Variants in MARK3 observed in about 807,000 individuals in gnomAD.
MARK3 encodes MAP/microtubule affinity-regulating kinase 3.
Under a neutral mutation model 90.1 loss-of-function variants are expected in MARK3, and 46 were observed. That is an observed-to-expected ratio of 0.51 (90% CI 0.40 to 0.65). The LOEUF (loss-of-function observed/expected upper bound fraction) is 0.65. Among genes scored for constraint, MARK3 ranks in the 30% least tolerant of loss-of-function variants. The pLI, the probability that MARK3 is intolerant of heterozygous loss-of-function variation, is 0.00. For synonymous variants in MARK3, 321 were observed against 332.6 expected (o/e 0.97, Z 0.38); for missense variants, 818 against 947.2 (o/e 0.86, Z 1.79).
chr14:103,388,367 A>ACAGTGTG (rs2089973885), intron 1 of MARK3, among the ~76,000 whole-genome samples: 5 of 152,326 alleles, frequency 3.3e-5, no homozygotes, highest in African/African-American at 1.2e-4. Context: ...TGTAGCTTTC[A>ACAGTGTG]CAGTGTGGAG....
intron 2 of MARK3, among the ~76,000 whole-genome samples, chr14:103,427,374 C>G (rs1004798832): frequency 2.0e-5 from 3 of 150,532 alleles, no homozygotes; most frequent in African/African-American, 7.3e-5. Flanking sequence ...TGGTGCGCAC[C>G]TGTAATCCCA....
intron 2 of MARK3, among the ~76,000 whole-genome samples, chr14:103,408,273 C>T (rs2091433607): frequency 6.6e-6 from 1 of 152,104 alleles, no homozygotes; most frequent in Admixed American, 6.5e-5. Context: ...TGCAACCTCC[C>T]GCCTCCTGGG....
intron 3 of MARK3, among the ~76,000 whole-genome samples, chr14:103,442,063 T>C (rs2092870633): frequency 6.6e-6 from 1 of 151,998 alleles, no homozygotes; most frequent in African/African-American, 2.4e-5. Context: ...AAAAGGTACA[T>C]ATCTTAATAT....
intron 2 of MARK3, chr14:103,412,852 C>A: frequency 3.1e-6 from 1 of 322,568 alleles, no homozygotes; most frequent in African/African-American, 2.2e-5. Context: ...TTTAATGATG[C>A]CAAGTCTTTC....
intron 12 of MARK3, among the ~76,000 whole-genome samples, chr14:103,470,735 G>A (rs1595838352): frequency 6.6e-6 from 1 of 152,140 alleles, no homozygotes; most frequent in African/African-American, 2.4e-5. Context: ...CGGATTACAG[G>A]CATGAGTCAC....
Position 103,500,144 on chromosome 14 carries a change from C to A in MARK3, c.1872-12C>A. 6.2e-7 allele frequency: 1 copy of A among 1,608,008 alleles called. No homozygotes were observed. The highest frequency in any genetic ancestry group is 8.5e-7 in the Non-Finnish European group (1 of 1,175,392). On this transcript the variant is annotated splice_polypyrimidine_tract_variant and intron_variant, in intron 16 of 17. Coordinates refer to ENST00000429436, the MANE Select transcript of MARK3 (RefSeq NM_001128918.3). Reference sequence around the variant, plus strand: ...TCCCTCTTCTCTCTGCTTCTACATTCTGTTCATTGAGGCTTCCAACTGAAT... The same window carrying A: ...TCCCTCTTCTCTCTGCTTCTACATTATGTTCATTGAGGCTTCCAACTGAAT...
At chr14:103,485,578 C>T (rs1463310647) in intron 14 of MARK3, among the ~76,000 whole-genome samples, 1 of 152,132 alleles carries the variant, frequency 6.6e-6, no homozygotes, top group East Asian at 1.9e-4. Flanking sequence ...TGTCCTTGGA[C>T]TATATTTTTA....
chr14:103,470,561 T>C (rs2093609451), intron 12 of MARK3, among the ~76,000 whole-genome samples: 1 of 145,944 alleles, frequency 6.9e-6, no homozygotes, highest in East Asian at 2.2e-4. Context: ...GTTCTAGCAA[T>C]TCTCCTGCCT....
At chr14:103,485,306 A>G (rs1435942129) in intron 14 of MARK3, among the ~76,000 whole-genome samples, 1 of 132,776 alleles carries the variant, frequency 7.5e-6, no homozygotes, top group East Asian at 2.2e-4. Flanking sequence ...AGTGTGGCCC[A>G]GGCTGCAGTA....
At chr14:103,491,687 C>A in intron 14 of MARK3, 90 bp from the exon 15 acceptor site, 1 of 1,419,134 alleles carries the variant, frequency 7.0e-7, no homozygotes, top group Non-Finnish European at 9.5e-7. Flanking sequence ...TTTTTATACC[C>A]GATTTTCTCC....
intron 1 of MARK3, among the ~76,000 whole-genome samples, chr14:103,403,260 A>G (rs565868459): frequency 6.6e-6 from 1 of 152,146 alleles, no homozygotes; most frequent in East Asian, 1.9e-4. Context: ...ACCACTTGAT[A>G]CATACCTCAT....
At chr14:103,407,239 G>A (rs1298297825) in intron 2 of MARK3, among the ~76,000 whole-genome samples, 1 of 152,144 alleles carries the variant, frequency 6.6e-6, no homozygotes. Context: ...TTTTTCAGTA[G>A]CAAATGTCTG....
At chr14:103,462,490 GCT>G (rs2093421805) in intron 7 of MARK3, 29 bp downstream of exon 7, 4 of 1,551,806 alleles carry the variant, frequency 2.6e-6, no homozygotes, top group East Asian at 4.6e-5. Flanking sequence ...CTCAGTGTAT[GCT>G]CTGTCTGTTT....
chr14:103,403,042 C>T (rs2091057655), intron 1 of MARK3, among the ~76,000 whole-genome samples: 1 of 151,376 alleles, frequency 6.6e-6, no homozygotes, highest in Admixed American at 6.6e-5. Flanking sequence ...CCCCTGGCCC[C>T]CCACCCCATC....
At chr14:103,466,113 A>C (rs1378638741) in intron 9 of MARK3, 22 bp downstream of exon 9, 1 of 1,611,830 alleles carries the variant, frequency 6.2e-7, no homozygotes, top group Non-Finnish European at 8.5e-7. Flanking sequence ...GGTGGAAACA[A>C]GCAGTAACTT....
Position 103,503,394 on chromosome 14 carries a change from G to T in MARK3, c.*167G>T. On this transcript the variant is annotated 3_prime_UTR_variant, in exon 18 of 18. Coordinates refer to ENST00000429436, the MANE Select transcript of MARK3 (RefSeq NM_001128918.3). ...GAGCGAAAGCTGGCCTTTTTTCTAC[G>T]AATGCACTACATTAAAGATGTGCAA... 1.5e-6 allele frequency: 1 copy of T among 649,400 alleles called. No homozygotes were observed. Among genetic ancestry groups the T allele is most frequent in the Non-Finnish European group, 2.6e-6 (1 of 384,596 alleles). The allele number at this position is 649,400 out of a possible 1,614,324, so 40.2% of individuals were successfully genotyped here. A position where few individuals can be genotyped will look rare whatever the true frequency, so the allele number is the denominator to read the frequency against.
At chr14:103,492,842 A>G (rs2075082749) in intron 15 of MARK3, among the ~76,000 whole-genome samples, 2 of 152,190 alleles carry the variant, frequency 1.3e-5, no homozygotes, top group South Asian at 4.1e-4. Flanking sequence ...TTTGAACCGT[A>G]AACAATAGTG....
At chr14:103,493,748 G>T (rs1389879625) in intron 15 of MARK3, among the ~76,000 whole-genome samples, 1 of 151,632 alleles carries the variant, frequency 6.6e-6, no homozygotes, top group Admixed American at 6.6e-5. Context: ...GGTGGTGGGC[G>T]CCTGGAGTCC....
At chr14:103,483,766 A>G (rs1423345021) in intron 14 of MARK3, among the ~76,000 whole-genome samples, 1 of 152,218 alleles carries the variant, frequency 6.6e-6, no homozygotes, top group African/African-American at 2.4e-5. Context: ...ATTCTCGAAA[A>G]ATGGCCAGAT....
Sources: allele counts gnomAD v4.1 joint callset (sites outside exome capture counted in the v4.1 genomes callset), GRCh38; gene constraint gnomAD v4.1.1; transcripts MANE v1.5; gene names NCBI Gene and HGNC (gene_info 2026-07-23, HGNC 2026-07-21).